PCNX2: variants seen among roughly 807,000 people sequenced by gnomAD.
The protein encoded by PCNX2 is pecanex-like protein 2.
In PCNX2, 168 loss-of-function variants were observed where a neutral mutation model predicts 223.8. The ratio of observed to expected loss-of-function variants is 0.75; its 90% CI spans 0.66 to 0.85. The LOEUF (loss-of-function observed/expected upper bound fraction) is 0.85, where lower values mean the gene tolerates loss of function less well. Ranked by LOEUF, PCNX2 falls within the 40% of genes least tolerant of loss-of-function variation. PCNX2 has a pLI of 0.00. For synonymous variants in PCNX2, 1,006 were observed against 1,052.6 expected (o/e 0.96, Z 0.86); for missense variants, 2,507 against 2,675.5 (o/e 0.94, Z 1.39).
chr1:233,247,486 A>ATGTTT (rs1231121309), intron 8 of PCNX2, among the ~76,000 whole-genome samples: 2 of 152,046 alleles, frequency 1.3e-5, no homozygotes, highest in African/African-American at 4.8e-5. Context: ...TGTTTTTGCT[A>ATGTTT]TGTTTTGTTT....
intron 20 of PCNX2, among the ~76,000 whole-genome samples, chr1:233,137,197 T>C (rs1676857954): frequency 6.6e-6 from 1 of 152,188 alleles, no homozygotes; most frequent in African/African-American, 2.4e-5. Flanking sequence ...TGTCCTCATA[T>C]CTGTGTGGGT....
chr1:233,243,892 C>T (rs1658940141), intron 8 of PCNX2, among the ~76,000 whole-genome samples: 2 of 151,996 alleles, frequency 1.3e-5, no homozygotes, highest in South Asian at 4.1e-4. Context: ...AGTGCAGTGA[C>T]GTGATCTCGG....
intron 28 of PCNX2, among the ~76,000 whole-genome samples, chr1:233,011,717 C>T (rs1180773283): frequency 2.0e-5 from 3 of 152,164 alleles, no homozygotes; most frequent in African/African-American, 7.2e-5. Context: ...AAGAAGAATT[C>T]ATCCACCTGC....
At chr1:233,235,758 T>C (rs1028547417) in intron 9 of PCNX2, among the ~76,000 whole-genome samples, 1 of 151,746 alleles carries the variant, frequency 6.6e-6, no homozygotes, top group African/African-American at 2.4e-5. Context: ...CGTGCCACCA[T>C]GCCAGGCTAA....
chr1:233,245,939 CA>C (rs1283965004), intron 8 of PCNX2, among the ~76,000 whole-genome samples: 11 of 151,958 alleles, frequency 7.2e-5, no homozygotes, highest in African/African-American at 2.4e-4. Flanking sequence ...AACAAACAAA[CA>C]AAAGAAACTT....
intron 25 of PCNX2, among the ~76,000 whole-genome samples, chr1:233,044,964 C>T (rs767085112): frequency 2.6e-5 from 4 of 152,160 alleles, no homozygotes; most frequent in Non-Finnish European, 4.4e-5. Flanking sequence ...CCACCACACC[C>T]GTCCTATTTG....
Position 233,246,043 on chromosome 1 carries a change from AC to A in PCNX2, c.2222+4695del, listed in dbSNP as rs569185300. Among the ~76,000 whole-genome samples, 18 of 152,230 alleles carry A rather than the reference AC, an allele frequency of 1.2e-4. 1 individual carries two copies. Among genetic ancestry groups the A allele is most frequent in the South Asian group, 4.1e-4 (2 of 4,834 alleles). Reference sequence around the variant, plus strand: ...AAAACGGAAAATCCTATCACCTGGGACTTATGAGCCATCATAAGTAGACTAA... The same window carrying A: ...AAAACGGAAAATCCTATCACCTGGGATTATGAGCCATCATAAGTAGACTAA... On this transcript the variant is annotated intron_variant, in intron 8 of 33. Transcript: ENST00000258229.
intron 28 of PCNX2, among the ~76,000 whole-genome samples, chr1:233,005,565 C>T (rs981865922): frequency 1.3e-5 from 2 of 152,166 alleles, no homozygotes; most frequent in Non-Finnish European, 2.9e-5. Context: ...ATGTAGAAAA[C>T]AAACTCTGAG....
At chr1:233,058,698 G>A (rs1434703915) in intron 23 of PCNX2, among the ~76,000 whole-genome samples, 3 of 123,920 alleles carry the variant, frequency 2.4e-5, no homozygotes, top group African/African-American at 3.4e-5. Flanking sequence ...ATGGAGTCTC[G>A]CTCTGTCACC....
chr1:233,251,929 C>G (rs957148203), intron 7 of PCNX2, among the ~76,000 whole-genome samples: 24 of 152,308 alleles, frequency 1.6e-4, no homozygotes, highest in African/African-American at 5.3e-4. Flanking sequence ...AACACAGGTC[C>G]AACAAATATT....
the PCNX2 span, among the ~76,000 whole-genome samples, chr1:233,321,119 C>T: frequency 4.8e-5 from 7 of 144,472 alleles, no homozygotes; most frequent in East Asian, 4.2e-4. Context: ...CCGGGGTTCA[C>T]GCCATTCTCC....
intron 22 of PCNX2, among the ~76,000 whole-genome samples, chr1:233,090,514 A>G (rs1283431710): frequency 1.3e-5 from 2 of 152,202 alleles, no homozygotes; most frequent in Non-Finnish European, 2.9e-5. Context: ...AACAAAACAC[A>G]CTAGGGTACA....
intron 8 of PCNX2, among the ~76,000 whole-genome samples, chr1:233,240,315 A>C (rs190442635): frequency 1.7e-3 from 261 of 152,324 alleles, no homozygotes; most frequent in African/African-American, 5.9e-3. Flanking sequence ...CTCTTCTCCA[A>C]GTATTTGCTG....
intron 28 of PCNX2, among the ~76,000 whole-genome samples, chr1:233,003,772 A>C (rs1169170411): frequency 1.3e-5 from 2 of 152,230 alleles, no homozygotes; most frequent in Non-Finnish European, 2.9e-5. Flanking sequence ...TCAATGATAG[A>C]CTGGATAAAG....
intron 10 of PCNX2, among the ~76,000 whole-genome samples, chr1:233,225,088 C>T (rs1246500644): frequency 8.5e-6 from 1 of 117,214 alleles, no homozygotes; most frequent in Non-Finnish European, 1.6e-5. Context: ...GCACGTTCTG[C>T]ACATGTATCC....
At chr1:233,318,566 T>TC in the PCNX2 span, among the ~76,000 whole-genome samples, 7 of 138,986 alleles carry the variant, frequency 5.0e-5, no homozygotes, top group Non-Finnish European at 9.2e-5. Context: ...TCTTTTTCTT[T>TC]TTTTTTTTTT....
At chr1:233,294,261 ATCTGGT>A (rs1367373132) in intron 1 of PCNX2, among the ~76,000 whole-genome samples, 1 of 152,208 alleles carries the variant, frequency 6.6e-6, no homozygotes, top group Non-Finnish European at 1.5e-5. Context: ...CAATCTGTAA[ATCTGGT>A]ACTATTACTT....
chr1:233,225,110 TAAAAAAAA>T (rs71173259), intron 10 of PCNX2, among the ~76,000 whole-genome samples: 11 of 42,226 alleles, frequency 2.6e-4, no homozygotes, highest in East Asian at 1.9e-3. Flanking sequence ...AGAACTAAAG[TAAAAAAAA>T]AAAAAAAAAA....
intron 21 of PCNX2, among the ~76,000 whole-genome samples, chr1:233,112,545 A>G (rs370979468): frequency 8.5e-5 from 13 of 152,182 alleles, no homozygotes; most frequent in African/African-American, 3.1e-4. Flanking sequence ...TGGCTCTTCA[A>G]TTCTCTCTAT....
Sources: gnomAD v4.1 joint callset for allele counts (sites outside exome capture counted in the v4.1 genomes callset) on GRCh38, gnomAD v4.1.1 for gene constraint, MANE v1.5 for transcripts, NCBI Gene and HGNC (gene_info 2026-07-23, HGNC 2026-07-21) for gene names.